OLA1: variants seen among roughly 807,000 people sequenced by gnomAD.
The protein encoded by OLA1 is Obg like ATPase 1.
In OLA1, 14 loss-of-function variants were observed where a neutral mutation model predicts 48.4. The observed-to-expected ratio is 0.29, with a 90% CI of 0.19 to 0.45. The LOEUF (loss-of-function observed/expected upper bound fraction) is 0.45. Ranked by LOEUF, OLA1 falls within the 20% of genes least tolerant of loss-of-function variation. The pLI, the probability that OLA1 is intolerant of heterozygous loss-of-function variation, is 1.00. For synonymous variants in OLA1, 127 were observed against 150.4 expected, an observed-to-expected ratio of 0.84 and a Z score of 1.14; for missense variants, 325 against 467.1, an observed-to-expected ratio of 0.70 and a Z score of 2.80.
chr2:174,144,537 T>C (rs1558974688), intron 4 of OLA1, among the ~76,000 whole-genome samples: 1 of 152,176 alleles, frequency 6.6e-6, no homozygotes, highest in Non-Finnish European at 1.5e-5. Context: ...TTCTTAGAGC[T>C]GAAAAATTGG....
Position 174,163,697 on chromosome 2 carries a change from A to AAAAT in OLA1, c.374-21701_374-21698dup, listed in dbSNP as rs1338891448. 6.3e-3 allele frequency among the ~76,000 whole-genome samples: 400 copies of AAAAT among 63,990 alleles called. 22 individuals are homozygous for AAAAT. The highest frequency in any genetic ancestry group is 0.021 in the East Asian group (34 of 1,658). The allele number at this position is 63,990 out of a possible 152,430, so 42.0% of individuals were successfully genotyped here. A position where few individuals can be genotyped will look rare whatever the true frequency, so the allele number is the denominator to read the frequency against. On this transcript the variant is annotated intron_variant, in intron 4 of 10. Transcript: ENST00000284719. ...AAGAACGAGACCTTGTCTCAAAAATAAAATAAATAAATAAATATATATATA... is the reference window on the plus strand; with the variant it reads ...AAGAACGAGACCTTGTCTCAAAAATAAAATAAATAAATAAATAAATATATATATA...
chr2:174,154,509 T>A (rs757238653), intron 4 of OLA1, among the ~76,000 whole-genome samples: 1 of 149,280 alleles, frequency 6.7e-6, no homozygotes, highest in Non-Finnish European at 1.5e-5. Flanking sequence ...TTCTTTCTAT[T>A]ACAAATTACA....
chr2:174,151,087 A>AGAT (rs1227463304), intron 4 of OLA1, among the ~76,000 whole-genome samples: 1 of 148,140 alleles, frequency 6.8e-6, no homozygotes, highest in Non-Finnish European at 1.5e-5. Flanking sequence ...TCCAAATATC[A>AGAT]GGGTAAGTCT....
chr2:174,239,167 A>C (rs1479777718), intron 2 of OLA1, among the ~76,000 whole-genome samples: 2 of 152,174 alleles, frequency 1.3e-5, no homozygotes, highest in East Asian at 3.8e-4. Context: ...AAACACCACA[A>C]TAATAACTGT....
At chr2:174,098,989 T>C (rs1202291590) in intron 7 of OLA1, among the ~76,000 whole-genome samples, 1 of 152,154 alleles carries the variant, frequency 6.6e-6, no homozygotes, top group Non-Finnish European at 1.5e-5. Context: ...TTCTGTCCGT[T>C]GTATAGACAA....
At chr2:174,211,845 G>A (rs1688251750) in intron 4 of OLA1, among the ~76,000 whole-genome samples, 1 of 152,034 alleles carries the variant, frequency 6.6e-6, no homozygotes, top group Non-Finnish European at 1.5e-5. Flanking sequence ...CTGACATATT[G>A]AAATAATATT....
intron 4 of OLA1, among the ~76,000 whole-genome samples, chr2:174,170,756 T>C (rs1687280835): frequency 6.6e-6 from 1 of 151,982 alleles, no homozygotes; most frequent in African/African-American, 2.4e-5. Context: ...ACTAAAAAAT[T>C]AGCCAGGCAT....
chr2:174,163,748 ATATATATATATATATATATATATATAT>A (rs1687082151), intron 4 of OLA1, among the ~76,000 whole-genome samples: 2 of 49,982 alleles, frequency 4.0e-5, no homozygotes, highest in South Asian at 1.7e-3. Context: ...ATATATATAT[ATATATATATATATATATATATATATAT>A]AAATAAATGT....
rs186627916 is a variant in OLA1 at position 174,127,765 on chromosome 2, G to A, written c.550-4090C>T. Among the ~76,000 whole-genome samples, 22 of 151,970 alleles carry A rather than the reference G, an allele frequency of 1.4e-4. No homozygotes were observed. In the East Asian group the frequency reaches 3.5e-3, roughly 24 times the overall value. ...AATTAAGTAAATGTTCTAGGTCCAG[G>A]GACTCCCAGACCAGAGGTTGAGACA... On this transcript the variant is annotated intron_variant, in intron 5 of 10. Coordinates refer to ENST00000284719, the MANE Select transcript of OLA1 (RefSeq NM_013341.5).
intron 4 of OLA1, among the ~76,000 whole-genome samples, chr2:174,200,352 T>G (rs1243657805): frequency 6.6e-6 from 1 of 152,170 alleles, no homozygotes; most frequent in African/African-American, 2.4e-5. Flanking sequence ...GTTACATTCT[T>G]TTCTATAAAA....
At chr2:174,176,229 T>A (rs1687417138) in intron 4 of OLA1, among the ~76,000 whole-genome samples, 1 of 152,096 alleles carries the variant, frequency 6.6e-6, no homozygotes, top group South Asian at 2.1e-4. Context: ...ACAAACTTGA[T>A]ATACATACAT....
In OLA1 at chr2:174,075,256, G is replaced by GTT; in HGVS notation, c.*169_*170insAA. The GTT allele has an allele frequency of 1.3e-5, 5 of 373,800 alleles. No homozygotes were observed. In the South Asian group the frequency reaches 1.6e-4, roughly 12 times the overall value. 23.2% of individuals were successfully genotyped at this position (373,800 alleles called of 1,614,324 possible). A position where few individuals can be genotyped will look rare whatever the true frequency, so the allele number is the denominator to read the frequency against. ...CATTTAGTGAACCTGCATTTCATGG[G>GTT]GGGGGGGGGGTACACAGTATTTTAA... On this transcript the variant is annotated 3_prime_UTR_variant, in exon 11 of 11. Coordinates refer to ENST00000284719, the MANE Select transcript of OLA1 (RefSeq NM_013341.5).
chr2:174,152,380 G>A (rs1171973044), intron 4 of OLA1, among the ~76,000 whole-genome samples: 2 of 152,104 alleles, frequency 1.3e-5, no homozygotes, highest in Non-Finnish European at 2.9e-5. Flanking sequence ...TCCAGCCTGG[G>A]TGACAGAGTA....
At chr2:174,082,107 A>G in intron 7 of OLA1, 43 bp from the exon 8 acceptor site, 1 of 1,599,140 alleles carries the variant, frequency 6.3e-7, no homozygotes, top group Non-Finnish European at 8.6e-7. Flanking sequence ...TAGTGCATGC[A>G]TGACTGTACC....
At chr2:174,163,530 A>G (rs543215468) in intron 4 of OLA1, among the ~76,000 whole-genome samples, 3 of 151,152 alleles carry the variant, frequency 2.0e-5, no homozygotes, top group African/African-American at 7.3e-5. Context: ...CTCTACTAAA[A>G]CTACGAAAAT....
At chr2:174,196,672 T>C (rs1346449354) in intron 4 of OLA1, among the ~76,000 whole-genome samples, 1 of 152,236 alleles carries the variant, frequency 6.6e-6, no homozygotes, top group Non-Finnish European at 1.5e-5. Context: ...CTGCCACTGA[T>C]GGCTGACAAG....
chr2:174,109,208 A>G (rs1685584353), intron 7 of OLA1, among the ~76,000 whole-genome samples: 2 of 152,196 alleles, frequency 1.3e-5, no homozygotes, highest in South Asian at 4.1e-4. Flanking sequence ...ATATCTTCTT[A>G]TGGCTAAGAA....
chr2:174,184,742 A>C (rs2105416802), intron 4 of OLA1, among the ~76,000 whole-genome samples: 1 of 152,328 alleles, frequency 6.6e-6, no homozygotes, highest in African/African-American at 2.4e-5. Context: ...ATCATCTGTG[A>C]AACTTTTCTG....
chr2:174,145,334 T>A (rs1165266114), intron 4 of OLA1, among the ~76,000 whole-genome samples: 1 of 151,542 alleles, frequency 6.6e-6, no homozygotes, highest in Admixed American at 6.6e-5. Context: ...GTTTCTAGGG[T>A]TTTTTTTCCC....
Sources: gnomAD v4.1 joint callset for allele counts (sites outside exome capture counted in the v4.1 genomes callset) on GRCh38, gnomAD v4.1.1 for gene constraint, MANE v1.5 for transcripts, NCBI Gene and HGNC (gene_info 2026-07-23, HGNC 2026-07-21) for gene names.